UBN2: variants seen among roughly 807,000 people sequenced by gnomAD.
UBN2 encodes ubinuclein 2, also known as ubinuclein-2.
UBN2 carries 35 observed loss-of-function variants against 120.2 expected under a neutral mutation model. The observed-to-expected ratio is 0.29, with a 90% CI of 0.22 to 0.39. The LOEUF (loss-of-function observed/expected upper bound fraction) is 0.39, where lower values mean the gene tolerates loss of function less well. Ranked by LOEUF, UBN2 falls within the 10% of genes least tolerant of loss-of-function variation. UBN2 has a pLI of 1.00. For missense variants in UBN2, 1,693 were observed against 1,663.2 expected (o/e 1.02, Z -0.31); for synonymous variants, 661 against 648.7 (o/e 1.02, Z -0.29).
chr7:139,312,844 C>G (rs1195591389), downstream of UBN2, among the ~76,000 whole-genome samples: 1 of 152,144 alleles, frequency 6.6e-6, no homozygotes, highest in East Asian at 1.9e-4. Context: ...ATGTAGGGAT[C>G]CAGCTTTATT....
Position 139,284,590 on chromosome 7 carries a change from A to G in UBN2, c.3669+16A>G, listed in dbSNP as rs768169192. The stretch of plus-strand genomic sequence containing the variant: ...CAGTGTGCAGGTATGTATGTTCTGT[A>G]CGTCCATGTGATAAACTATAAGATT... On this transcript the variant is annotated intron_variant, in intron 15 of 17. Coordinates refer to ENST00000473989, the MANE Select transcript of UBN2 (RefSeq NM_173569.4). The G allele has an allele frequency of 7.6e-6, 12 of 1,581,768 alleles. No homozygotes were observed. The highest frequency in any genetic ancestry group is 1.0e-5 in the Non-Finnish European group (12 of 1,163,200).
Position 139,283,511 on chromosome 7 carries a change from T to C in UBN2, c.2606T>C (p.Leu869Ser). Residue 869 changes from leucine (L) to serine (S), a missense_variant, in exon 15 of 18, where the codon TTA becomes TCA. Transcript: ENST00000473989. ...TCCATTCAGAACCCTAAAGTTTCTTTAGAACCTTTGCCAGCCAGGCTACTT... is the reference window on the plus strand; with the variant it reads ...TCCATTCAGAACCCTAAAGTTTCTTCAGAACCTTTGCCAGCCAGGCTACTT... Reference protein sequence around the residue: ...GSSIQNPKVSLEPLPARLLQQ... With the variant: ...GSSIQNPKVSSEPLPARLLQQ... 1 of 1,614,192 alleles carries C rather than the reference T, an allele frequency of 6.2e-7. No individual in the cohort carries two copies.
At chr7:139,258,988 G>A (rs1796847346) in intron 4 of UBN2, among the ~76,000 whole-genome samples, 1 of 152,114 alleles carries the variant, frequency 6.6e-6, no homozygotes, top group Admixed American at 6.5e-5. Flanking sequence ...AAGATATAGT[G>A]TCCTTGGATA....
intron 1 of UBN2, 34 bp downstream of exon 1, chr7:139,231,986 C>T: frequency 6.4e-7 from 1 of 1,563,008 alleles, no homozygotes; most frequent in South Asian, 1.1e-5. Flanking sequence ...CCCCAGACCC[C>T]GGGAGCCTCA....
chr7:139,262,224 C>G (rs1275350676), intron 6 of UBN2, among the ~76,000 whole-genome samples: 1 of 152,056 alleles, frequency 6.6e-6, no homozygotes, highest in South Asian at 2.1e-4. Flanking sequence ...CTCAGCCTCC[C>G]AAATATCTGG....
chr7:139,235,034 C>A (rs1053145730), intron 1 of UBN2, among the ~76,000 whole-genome samples: 1 of 151,824 alleles, frequency 6.6e-6, no homozygotes, highest in East Asian at 1.9e-4. Context: ...AAAGTGAGTC[C>A]ATTTTCTTAA....
chr7:139,272,613 G>A (rs1033253654), intron 9 of UBN2, among the ~76,000 whole-genome samples, 173 bp downstream of exon 9: 2 of 152,022 alleles, frequency 1.3e-5, no homozygotes, highest in East Asian at 1.9e-4. Flanking sequence ...TACAACCTCC[G>A]CCTCCCGGGT....
At chr7:139,311,763 C>G (rs1197533275), downstream of UBN2, among the ~76,000 whole-genome samples, 3 of 152,186 alleles carry the variant, frequency 2.0e-5, no homozygotes, top group Admixed American at 2.0e-4. Flanking sequence ...AAAGTACAGG[C>G]ATAGATAGAT....
intron 2 of UBN2, among the ~76,000 whole-genome samples, chr7:139,250,348 TCAGC>T (rs962507639): frequency 3.9e-5 from 6 of 152,154 alleles, no homozygotes; most frequent in Admixed American, 3.3e-4. Context: ...TTCTTGAGCC[TCAGC>T]CACCCAAGTA....
the UBN2 span, among the ~76,000 whole-genome samples, chr7:139,323,568 ATTATTAT>A: frequency 3.2e-5 from 3 of 94,606 alleles, no homozygotes. Context: ...TATTATTATT[ATTATTAT>A]TATTATTATT....
chr7:139,279,196 CCTTCAAAGAG>C (rs1797531904), intron 12 of UBN2, 112 bp from the exon 13 acceptor site: 1 of 767,676 alleles, frequency 1.3e-6, no homozygotes, highest in Admixed American at 2.8e-5. Flanking sequence ...AAATACGGTT[CCTTCAAAGAG>C]CTTTCCAAAT....
At chr7:139,322,847 T>TA in the UBN2 span, among the ~76,000 whole-genome samples, 11 of 151,966 alleles carry the variant, frequency 7.2e-5, no homozygotes, top group Non-Finnish European at 4.4e-5. Flanking sequence ...TGGACTTTTT[T>TA]AAAAAACCAA....
At chr7:139,287,912 T>C (rs943515830) in intron 15 of UBN2, among the ~76,000 whole-genome samples, 1 of 152,222 alleles carries the variant, frequency 6.6e-6, no homozygotes, top group Non-Finnish European at 1.5e-5. Context: ...TGTGGGTGTC[T>C]GCTCATTTGC....
chr7:139,312,051 G>T (rs1238964552), downstream of UBN2, among the ~76,000 whole-genome samples: 3 of 152,068 alleles, frequency 2.0e-5, no homozygotes, highest in Admixed American at 1.3e-4. Context: ...TTCTTACTTT[G>T]TACTCAAATG....
intron 6 of UBN2, among the ~76,000 whole-genome samples, chr7:139,265,793 G>C (rs926225103): frequency 1.3e-5 from 2 of 152,200 alleles, no homozygotes; most frequent in African/African-American, 4.8e-5. Flanking sequence ...GCCACCAGAA[G>C]CTGGAAGAGG....
At chr7:139,329,521 CA>C in the UBN2 span, among the ~76,000 whole-genome samples, 42 of 152,276 alleles carry the variant, frequency 2.8e-4, no homozygotes, top group African/African-American at 8.4e-4. Context: ...TATTGAGCCC[CA>C]CTGGCCTGAC....
At chr7:139,257,513 A>T (rs1740060675) in intron 3 of UBN2, among the ~76,000 whole-genome samples, 2 of 151,978 alleles carry the variant, frequency 1.3e-5, no homozygotes, top group Admixed American at 1.3e-4. Context: ...GGTTCAAGCG[A>T]TTCTCCTGCC....
At position 139,307,838 on chromosome 7, in the gene UBN2, C is replaced by A. The variant is rs1037593819; in HGVS notation, c.*10002C>A. 6.6e-6 allele frequency: 1 copy of A among 152,034 alleles called. No homozygotes were observed. Among genetic ancestry groups the A allele is most frequent in the African/African-American group, 2.4e-5 (1 of 41,400 alleles). The allele number at this position is 152,034 out of a possible 1,614,324, so 9.4% of individuals were successfully genotyped here. A position where few individuals can be genotyped will look rare whatever the true frequency, so the allele number is the denominator to read the frequency against. On this transcript the variant is annotated 3_prime_UTR_variant, in exon 18 of 18. Transcript: ENST00000473989. ...TTGCTTGTCTCTAGTTTTTAGAAAG[C>A]TCTTATCACTCCTTCCTAAGAAAAA...
At chr7:139,245,097 C>CTTTTTT (rs537219130) in intron 2 of UBN2, among the ~76,000 whole-genome samples, 1 of 100,330 alleles carries the variant, frequency 1.0e-5, no homozygotes, top group Non-Finnish European at 1.9e-5. Context: ...CCATGCCCAG[C>CTTTTTT]TTTTTTTTTT....
Sources: allele counts gnomAD v4.1 joint callset (sites outside exome capture counted in the v4.1 genomes callset), GRCh38; gene constraint gnomAD v4.1.1; transcripts MANE v1.5; gene names NCBI Gene and HGNC (gene_info 2026-07-23, HGNC 2026-07-21).